MICU3: variants seen among roughly 807,000 people sequenced by gnomAD.
MICU3 encodes mitochondrial calcium uptake 3.
Under a neutral mutation model 66.5 loss-of-function variants are expected in MICU3, and 62 were observed. The observed-to-expected ratio is 0.93, with a 90% CI of 0.76 to 1.15. MICU3 has a LOEUF of 1.15. Among genes scored for constraint, MICU3 ranks in the 50% most tolerant of loss-of-function variants. The pLI, the probability that MICU3 is intolerant of heterozygous loss-of-function variation, is 0.00. For synonymous variants in MICU3, 308 were observed against 240.7 expected (o/e 1.28, Z -2.59); for missense variants, 779 against 664.4 (o/e 1.17, Z -1.90).
intron 1 of MICU3, among the ~76,000 whole-genome samples, chr8:17,046,702 G>C (rs1010587118): frequency 6.6e-6 from 1 of 152,026 alleles, no homozygotes; most frequent in Non-Finnish European, 1.5e-5. Context: ...CTGGAAGTGA[G>C]ATGCCACCTA....
intron 13 of MICU3, among the ~76,000 whole-genome samples, chr8:17,116,889 T>C (rs934954238): frequency 2.6e-5 from 4 of 152,226 alleles, no homozygotes; most frequent in African/African-American, 9.6e-5. Context: ...CCAAATATTT[T>C]CAAAAAATTT....
chr8:17,055,131 C>T (rs1322513532), intron 1 of MICU3, among the ~76,000 whole-genome samples: 1 of 152,106 alleles, frequency 6.6e-6, no homozygotes, highest in Non-Finnish European at 1.5e-5. Flanking sequence ...AGGCAGAGTA[C>T]AACTGCAAAT....
At chr8:17,084,961 C>G (rs970567387) in intron 5 of MICU3, among the ~76,000 whole-genome samples, 1 of 151,808 alleles carries the variant, frequency 6.6e-6, no homozygotes, top group Admixed American at 6.6e-5. Context: ...TTAAAACAAA[C>G]TAACAGACTT....
chr8:17,034,581 A>AAAAGT (rs1226399523), intron 1 of MICU3, among the ~76,000 whole-genome samples: 3 of 152,230 alleles, frequency 2.0e-5, no homozygotes, highest in African/African-American at 7.2e-5. Context: ...TGGTAGAGGT[A>AAAAGT]AAAGTATCAA....
intron 1 of MICU3, among the ~76,000 whole-genome samples, chr8:17,031,209 C>G (rs1230787867): frequency 6.6e-6 from 1 of 151,624 alleles, no homozygotes; most frequent in African/African-American, 2.4e-5. Flanking sequence ...CAGAGCATGA[C>G]TTGGCTCAAG....
At chr8:17,077,201 T>G (rs907180554) in intron 3 of MICU3, among the ~76,000 whole-genome samples, 1 of 152,182 alleles carries the variant, frequency 6.6e-6, no homozygotes. Context: ...AGAAACAAAT[T>G]GAAACAGTGA....
intron 8 of MICU3, among the ~76,000 whole-genome samples, chr8:17,098,142 T>G (rs1278341944): frequency 6.6e-6 from 1 of 151,762 alleles, no homozygotes; most frequent in Non-Finnish European, 1.5e-5. Flanking sequence ...TGAATAGAAT[T>G]TTTTTTCACC....
chr8:17,098,658 T>C (rs1331283223), intron 9 of MICU3, 105 bp downstream of exon 9: 1 of 759,856 alleles, frequency 1.3e-6, no homozygotes, highest in Non-Finnish European at 2.3e-6. Flanking sequence ...TATGTTACAT[T>C]TTCCATTGTT....
intron 12 of MICU3, 116 bp downstream of exon 12, chr8:17,114,317 G>T: frequency 1.6e-6 from 1 of 614,490 alleles, no homozygotes; most frequent in East Asian, 2.9e-5. Context: ...GTGAAAGTCC[G>T]GTGTATACTT....
At chr8:17,111,503 T>C (rs1440692183) in intron 11 of MICU3, among the ~76,000 whole-genome samples, 2 of 152,204 alleles carry the variant, frequency 1.3e-5, no homozygotes, top group East Asian at 3.9e-4. Flanking sequence ...GATAGTGTTC[T>C]TTAATGTACA....
intron 12 of MICU3, 21 bp from the exon 13 acceptor site, chr8:17,116,422 T>A (rs916300305): frequency 1.4e-6 from 2 of 1,388,270 alleles, no homozygotes; most frequent in African/African-American, 3.0e-5. Flanking sequence ...TCTATTCTTT[T>A]TCTATGTAAC....
chr8:17,111,731 A>G (rs1376509439), intron 11 of MICU3, among the ~76,000 whole-genome samples: 1 of 152,142 alleles, frequency 6.6e-6, no homozygotes, highest in African/African-American at 2.4e-5. Flanking sequence ...TTTCTTTTGC[A>G]TGTGGATATC....
chr8:17,030,677 C>CT (rs35476818), intron 1 of MICU3, among the ~76,000 whole-genome samples: 1 of 152,224 alleles, frequency 6.6e-6, no homozygotes, highest in African/African-American at 2.4e-5. Flanking sequence ...TGTAACAGCA[C>CT]TTATGTTGGT....
chr8:17,027,756 G>T, intron 1 of MICU3, 96 bp downstream of exon 1: 1 of 1,230,370 alleles, frequency 8.1e-7, no homozygotes, highest in South Asian at 3.9e-5. Flanking sequence ...TGCAAGCGCT[G>T]TGGCCGCGGG....
chr8:17,033,338 T>C (rs966618456), intron 1 of MICU3, among the ~76,000 whole-genome samples: 8 of 152,180 alleles, frequency 5.3e-5, no homozygotes, highest in Non-Finnish European at 1.0e-4. Flanking sequence ...CAAAACAGCC[T>C]TACTGCTGAG....
the MICU3 span, among the ~76,000 whole-genome samples, chr8:17,129,423 A>G: frequency 1.3e-5 from 2 of 152,240 alleles, no homozygotes. Flanking sequence ...CATAATAGGT[A>G]AAGAGATGGT....
At chr8:17,098,401 T>A in intron 8 of MICU3, 57 bp from the exon 9 acceptor site, 1 of 1,098,612 alleles carries the variant, frequency 9.1e-7, no homozygotes, top group South Asian at 1.2e-5. Context: ...GTGTATAAAT[T>A]ATCATTCTTT....
chr8:17,091,253 G>C (rs1226117981), intron 8 of MICU3, among the ~76,000 whole-genome samples: 1 of 151,946 alleles, frequency 6.6e-6, no homozygotes, highest in African/African-American at 2.4e-5. Context: ...CTTTTCTCCT[G>C]AGAAAGTCAG....
At chr8:17,037,498 G>T (rs1051810150) in intron 1 of MICU3, among the ~76,000 whole-genome samples, 1 of 152,190 alleles carries the variant, frequency 6.6e-6, no homozygotes, top group East Asian at 1.9e-4. Context: ...AGCCTTGGAG[G>T]TTTCCATGTG....
Sources: allele counts gnomAD v4.1 joint callset (sites outside exome capture counted in the v4.1 genomes callset), GRCh38; gene constraint gnomAD v4.1.1; transcripts MANE v1.5; gene names NCBI Gene and HGNC (gene_info 2026-07-23, HGNC 2026-07-21).